FAF1: variants seen among roughly 807,000 people sequenced by gnomAD.
The protein encoded by FAF1 is Fas associated factor 1.
A neutral mutation model predicts 92.5 loss-of-function variants in FAF1; 25 were observed. That is an observed-to-expected ratio of 0.27 (90% CI 0.20 to 0.38). FAF1 has a LOEUF of 0.38. Ranked by LOEUF, FAF1 falls within the 10% of genes least tolerant of loss-of-function variation. FAF1 has a pLI of 1.00. For synonymous variants in FAF1, 234 were observed against 273.2 expected (o/e 0.86, Z 1.42); for missense variants, 636 against 793.3 (o/e 0.80, Z 2.38).
At chr1:50,781,906 T>C (rs1661192396) in intron 4 of FAF1, among the ~76,000 whole-genome samples, 1 of 152,180 alleles carries the variant, frequency 6.6e-6, no homozygotes, top group Non-Finnish European at 1.5e-5. Flanking sequence ...CCATCAACAA[T>C]GACCACATAT....
At chr1:50,749,662 C>G (rs1001483138) in intron 4 of FAF1, among the ~76,000 whole-genome samples, 1 of 152,068 alleles carries the variant, frequency 6.6e-6, no homozygotes, top group African/African-American at 2.4e-5. Context: ...GTGGTACATG[C>G]ATGTAGTCCC....
chr1:50,559,027 G>T (rs927532400), intron 13 of FAF1, among the ~76,000 whole-genome samples: 1 of 152,160 alleles, frequency 6.6e-6, no homozygotes, highest in Non-Finnish European at 1.5e-5. Flanking sequence ...AATGCAGGTG[G>T]ATCACCTGAG....
chr1:50,856,701 A>C (rs1313231613), intron 2 of FAF1, among the ~76,000 whole-genome samples: 1 of 151,180 alleles, frequency 6.6e-6, no homozygotes, highest in Non-Finnish European at 1.5e-5. Flanking sequence ...AATTGAATTT[A>C]TTCAATTTCT....
chr1:50,783,091 C>T (rs1661237876), intron 4 of FAF1, among the ~76,000 whole-genome samples: 1 of 151,440 alleles, frequency 6.6e-6, no homozygotes, highest in South Asian at 2.1e-4. Context: ...AAATCATATG[C>T]CAACAAATTA....
At chr1:50,912,933 A>C (rs1358259981) in intron 1 of FAF1, among the ~76,000 whole-genome samples, 1 of 152,248 alleles carries the variant, frequency 6.6e-6, no homozygotes, top group Non-Finnish European at 1.5e-5. Flanking sequence ...CATTCCCTTC[A>C]TATAACAAGT....
chr1:50,645,683 C>T (rs906515335), intron 8 of FAF1, among the ~76,000 whole-genome samples: 3 of 152,008 alleles, frequency 2.0e-5, no homozygotes, highest in South Asian at 4.1e-4. Flanking sequence ...ATTAGCCAGG[C>T]GTGGTGGCAC....
intron 8 of FAF1, among the ~76,000 whole-genome samples, chr1:50,630,819 G>A (rs1027885699): frequency 7.3e-6 from 1 of 136,116 alleles, no homozygotes; most frequent in African/African-American, 2.8e-5. Context: ...CATATCTAGT[G>A]TATCATATCT....
At chr1:50,829,665 G>C (rs562891357) in intron 2 of FAF1, among the ~76,000 whole-genome samples, 2 of 152,136 alleles carry the variant, frequency 1.3e-5, no homozygotes, top group Non-Finnish European at 2.9e-5. Flanking sequence ...GTACTTAGTG[G>C]AAACATCAGG....
intron 17 of FAF1, 122 bp from the exon 18 acceptor site, chr1:50,475,801 T>A (rs1287510270): frequency 3.4e-6 from 2 of 595,532 alleles, no homozygotes; most frequent in Non-Finnish European, 5.8e-6. Context: ...CACTGCCCTA[T>A]TTATTAGCCA....
chr1:50,606,489 C>CTTTTTTTT lies in FAF1; in HGVS notation c.745-10281_745-10274dup, dbSNP rs34498946. The stretch of plus-strand genomic sequence containing the variant: ...AGATATATTGTAGCTGTGAGAGTTG[C>CTTTTTTTT]TTTTTTTTTTTTTTTTTTTTTTTTT... On this transcript the variant is annotated intron_variant, in intron 8 of 18. Transcript: ENST00000396153. 1.4e-4 allele frequency among the ~76,000 whole-genome samples: 8 copies of CTTTTTTTT among 58,556 alleles called. 3 individuals are homozygous for CTTTTTTTT. The highest frequency in any genetic ancestry group is 2.5e-4 in the Non-Finnish European group (8 of 32,070). 38.4% of individuals were successfully genotyped at this position (58,556 alleles called of 152,430 possible).
chr1:50,478,919 T>C (rs570294742), intron 17 of FAF1, among the ~76,000 whole-genome samples: 1 of 152,334 alleles, frequency 6.6e-6, no homozygotes, highest in South Asian at 2.1e-4. Flanking sequence ...ATCTTAAGTG[T>C]ACAACTTGAT....
intron 14 of FAF1, among the ~76,000 whole-genome samples, chr1:50,539,141 A>G (rs1648636582): frequency 6.6e-6 from 1 of 152,244 alleles, no homozygotes; most frequent in Non-Finnish European, 1.5e-5. Context: ...TTGCACCCTA[A>G]ACATGGAATC....
At chr1:50,746,173 C>A (rs1347483434) in intron 4 of FAF1, among the ~76,000 whole-genome samples, 1 of 142,998 alleles carries the variant, frequency 7.0e-6, no homozygotes, top group Admixed American at 7.3e-5. Context: ...AGGAACAAAG[C>A]ATTCAAGATG....
chr1:50,629,045 G>C (rs1387625936), intron 8 of FAF1, among the ~76,000 whole-genome samples: 1 of 151,694 alleles, frequency 6.6e-6, no homozygotes, highest in Non-Finnish European at 1.5e-5. Flanking sequence ...TATTATATGT[G>C]TATTAGACTA....
intron 7 of FAF1, among the ~76,000 whole-genome samples, chr1:50,698,159 GTGTT>G (rs1156335348): frequency 1.3e-5 from 2 of 152,096 alleles, no homozygotes; most frequent in African/African-American, 4.8e-5. Context: ...GTGTGTGTGT[GTGTT>G]TGTTTTACAG....
intron 9 of FAF1, among the ~76,000 whole-genome samples, chr1:50,591,117 T>C (rs923513703): frequency 2.6e-5 from 4 of 152,246 alleles, no homozygotes; most frequent in Non-Finnish European, 5.9e-5. Context: ...TATGTTGAAG[T>C]AGTTTTCTTC....
chr1:50,790,112 A>G (rs550249796), intron 3 of FAF1, among the ~76,000 whole-genome samples: 1 of 152,286 alleles, frequency 6.6e-6, no homozygotes, highest in African/African-American at 2.4e-5. Flanking sequence ...CCACTGGAAT[A>G]TAAGTACCAC....
intron 1 of FAF1, among the ~76,000 whole-genome samples, chr1:50,904,151 A>C (rs1644817500): frequency 6.6e-6 from 1 of 152,226 alleles, no homozygotes; most frequent in Middle Eastern, 3.2e-3. Context: ...AATAAACAAA[A>C]TGTGGTCTGT....
intron 6 of FAF1, among the ~76,000 whole-genome samples, chr1:50,719,999 AC>A (rs1658340866): frequency 6.8e-6 from 1 of 146,030 alleles, no homozygotes; most frequent in Non-Finnish European, 1.5e-5. Context: ...AATTAAACAC[AC>A]TTTTTTTTTT....
Sources: gnomAD v4.1 joint callset for allele counts (sites outside exome capture counted in the v4.1 genomes callset) on GRCh38, gnomAD v4.1.1 for gene constraint, MANE v1.5 for transcripts, NCBI Gene and HGNC (gene_info 2026-07-23, HGNC 2026-07-21) for gene names.